CCND2: variants seen among roughly 807,000 people sequenced by gnomAD.
CCND2 encodes cyclin D2, also known as G1/S-specific cyclin-D2.
A neutral mutation model predicts 30.2 loss-of-function variants in CCND2; 6 were observed. The observed-to-expected ratio is 0.20, with a 90% CI of 0.11 to 0.39. The LOEUF is 0.39. Among genes scored for constraint, CCND2 ranks in the 10% least tolerant of loss-of-function variants. CCND2 has a pLI of 1.00. For missense variants in CCND2, 235 were observed against 373.4 expected (o/e 0.63, Z 3.06); for synonymous variants, 150 against 153.1 (o/e 0.98, Z 0.15).
At chr12:4,279,166 T>A (rs1194728482) in intron 3 of CCND2, among the ~76,000 whole-genome samples, 2 of 152,182 alleles carry the variant, frequency 1.3e-5, no homozygotes, top group Admixed American at 6.5e-5. Context: ...GCAAAAAAAA[T>A]TAGTGCCTGT....
In CCND2 at chr12:4,299,065, T is replaced by G. The variant is rs569712147; in HGVS notation, c.721-795T>G. Among the ~76,000 whole-genome samples, 1 of 152,284 alleles carries G rather than the reference T, an allele frequency of 6.6e-6. No individual in the cohort carries two copies. Among genetic ancestry groups the G allele is most frequent in the East Asian group, 1.9e-4 (1 of 5,178 alleles). On this transcript the variant is annotated intron_variant, in intron 4 of 4. Transcript: ENST00000261254. The surrounding 1 kb of genome is among the most constrained non-coding windows in gnomAD (Gnocchi z 5.2). ...AAGCAGAAAAAGTTGGGGATTTTTT[T>G]TTTTAAGTATTTACAGTGAGGCGCG...
chr12:4,280,460 T>A (rs545094415), intron 3 of CCND2, among the ~76,000 whole-genome samples: 11 of 152,340 alleles, frequency 7.2e-5, no homozygotes, highest in African/African-American at 2.6e-4. Context: ...CCTCATGGCG[T>A]GCACATGCGC....
At chr12:4,284,285 T>C (rs1310570721) in intron 3 of CCND2, among the ~76,000 whole-genome samples, 4 of 152,248 alleles carry the variant, frequency 2.6e-5, no homozygotes, top group Non-Finnish European at 5.9e-5. Flanking sequence ...GCTGTTGTCA[T>C]TATTTGCAGA....
intron 3 of CCND2, among the ~76,000 whole-genome samples, chr12:4,280,341 A>C (rs1373356949): frequency 6.6e-6 from 1 of 152,230 alleles, no homozygotes; most frequent in Non-Finnish European, 1.5e-5. Flanking sequence ...TGTGTTCTGC[A>C]CTTGCAGGCT....
At chr12:4,297,409 A>G (rs1864185614) in intron 4 of CCND2, among the ~76,000 whole-genome samples, 3 of 151,912 alleles carry the variant, frequency 2.0e-5, no homozygotes, top group African/African-American at 4.8e-5. Context: ...CATCTCAACT[A>G]TAAATACAAA....
In CCND2 at chr12:4,274,874, C is replaced by T. The variant is rs926012963; in HGVS notation, c.195+639C>T. 2.0e-5 allele frequency: 3 copies of T among 152,484 alleles called. No homozygotes were observed. The highest frequency in any genetic ancestry group is 7.2e-5 in the African/African-American group (3 of 41,454). 9.4% of individuals were successfully genotyped at this position (152,484 alleles called of 1,614,324 possible). A position where few individuals can be genotyped will look rare whatever the true frequency, so the allele number is the denominator to read the frequency against. On this transcript the variant is annotated intron_variant, in intron 1 of 4. Transcript: ENST00000261254. This position sits in a 1 kb window ranked among gnomAD's most constrained non-coding sequence, Gnocchi z 7.7. ...GTGCCCACGTATGCACAGCTCTGGA[C>T]CTGCCGTGGTTTCGCCATGTTGCTT...
At position 4,304,304 on chromosome 12, in the gene CCND2, AT is replaced by A. The variant is rs1864288304; in HGVS notation, c.*4296del. 1 of 233,536 alleles carries A rather than the reference AT, an allele frequency of 4.3e-6. No homozygotes were observed. The highest frequency in any genetic ancestry group is 8.5e-6 in the Non-Finnish European group (1 of 118,014). The allele number at this position is 233,536 out of a possible 1,614,324, so 14.5% of individuals were successfully genotyped here. Reference sequence around the variant, plus strand: ...AAGCCAAAAGGATTCCTCTTTGTTTATCTCTGAGACAGTCCAACCTTGAGAA... The same window carrying A: ...AAGCCAAAAGGATTCCTCTTTGTTTACTCTGAGACAGTCCAACCTTGAGAA... On this transcript the variant is annotated 3_prime_UTR_variant, in exon 5 of 5. Transcript: ENST00000261254. This position sits in a 1 kb window ranked among gnomAD's most constrained non-coding sequence, Gnocchi z 6.2.
At position 4,285,509 on chromosome 12, in the gene CCND2, C is replaced by A; in HGVS notation, c.572-3333C>A. ...TCTGTGTTTCTCCCACCTAACAGAA[C>A]AGCTTTTATTTTCCGTGCATCCTTC... On this transcript the variant is annotated intron_variant, in intron 3 of 4. Transcript: ENST00000261254. The surrounding 1 kb of genome is among the most constrained non-coding windows in gnomAD (Gnocchi z 4.1). 1 of 759,462 alleles carries A rather than the reference C, an allele frequency of 1.3e-6. No homozygotes were observed. The highest frequency in any genetic ancestry group is 1.6e-6 in the Non-Finnish European group (1 of 623,848). 47.0% of individuals were successfully genotyped at this position (759,462 alleles called of 1,614,324 possible).
Position 4,274,577 on chromosome 12 carries a change from G to T in CCND2, c.195+342G>T, listed in dbSNP as rs558535057. On this transcript the variant is annotated intron_variant, in intron 1 of 4. Transcript: ENST00000261254. The surrounding 1 kb of genome is among the most constrained non-coding windows in gnomAD (Gnocchi z 7.7). ...AGCCGCCGCGGCTGCTTGCGCTGCG[G>T]CCAGGAAGAGAGTCGGGGCCTGAAA... Among the ~76,000 whole-genome samples the T allele has an allele frequency of 1.1e-3, 166 of 152,210 alleles. 2 individuals carry two copies. Among genetic ancestry groups the T allele is most frequent in the African/African-American group, 3.9e-3 (163 of 41,528 alleles).
intron 1 of CCND2, among the ~76,000 whole-genome samples, 163 bp from the exon 2 acceptor site, chr12:4,275,842 C>G (rs1002953460): frequency 5.9e-5 from 9 of 151,978 alleles, no homozygotes; most frequent in Non-Finnish European, 2.9e-5. Flanking sequence ...GTTTCCTCAT[C>G]TTTGTTCTTT....
At position 4,276,411 on chromosome 12, in the gene CCND2, A is replaced by G. The variant is rs189431963; in HGVS notation, c.411+191A>G. Among the ~76,000 whole-genome samples, 119 of 152,336 alleles carry G rather than the reference A, an allele frequency of 7.8e-4. No homozygotes were observed. Among genetic ancestry groups the G allele is most frequent in the African/African-American group, 2.5e-3 (106 of 41,570 alleles). On this transcript the variant is annotated intron_variant, in intron 2 of 4. Coordinates refer to ENST00000261254, the MANE Select transcript of CCND2 (RefSeq NM_001759.4). This position sits in a 1 kb window ranked among gnomAD's most constrained non-coding sequence, Gnocchi z 4.8. The stretch of plus-strand genomic sequence containing the variant: ...TGTTTATTTTTTGTGTGTTCCTACT[A>G]TGTGCCCAGGCTCCGTGCCCAGCAC...
Position 4,277,000 on chromosome 12 carries a change from C to T in CCND2, c.411+780C>T, listed in dbSNP as rs1483897500. Among the ~76,000 whole-genome samples, 1 of 152,218 alleles carries T rather than the reference C, an allele frequency of 6.6e-6. No homozygotes were observed. The highest frequency in any genetic ancestry group is 1.5e-5 in the Non-Finnish European group (1 of 68,040). ...TTTGCACTGTTCAGAAAAGCACCCCCTCCTTCCCGCCCCTCCCCCTCCTCA... is the reference window on the plus strand; with the variant it reads ...TTTGCACTGTTCAGAAAAGCACCCCTTCCTTCCCGCCCCTCCCCCTCCTCA... On this transcript the variant is annotated intron_variant, in intron 2 of 4. Transcript: ENST00000261254. The surrounding 1 kb of genome is among the most constrained non-coding windows in gnomAD (Gnocchi z 4.8).
At position 4,299,138 on chromosome 12, in the gene CCND2, G is replaced by A. The variant is rs577256501; in HGVS notation, c.721-722G>A. 3.3e-5 allele frequency among the ~76,000 whole-genome samples: 5 copies of A among 152,148 alleles called. No homozygotes were observed. The South Asian group carries it at 1.0e-3, about 32-fold the overall frequency. On this transcript the variant is annotated intron_variant, in intron 4 of 4. Coordinates refer to ENST00000261254, the MANE Select transcript of CCND2 (RefSeq NM_001759.4). This position sits in a 1 kb window ranked among gnomAD's most constrained non-coding sequence, Gnocchi z 5.2. Reference sequence around the variant, plus strand: ...GCACTTTGGGAGGCCGATGCGGGCGGATCACAAGGTCAGGAGTTCGAGGCC... The same window carrying A: ...GCACTTTGGGAGGCCGATGCGGGCGAATCACAAGGTCAGGAGTTCGAGGCC...
chr12:4,293,633 T>C lies in CCND2; in HGVS notation c.720+4643T>C, dbSNP rs1482381486. On this transcript the variant is annotated intron_variant, in intron 4 of 4. Transcript: ENST00000261254. The surrounding 1 kb of genome is among the most constrained non-coding windows in gnomAD (Gnocchi z 4.9). Reference sequence around the variant, plus strand: ...CCTTCCTTAGGGTCATCCTGGCATTTTACGGTCCTGGTTATCAATGAGCTA... The same window carrying C: ...CCTTCCTTAGGGTCATCCTGGCATTCTACGGTCCTGGTTATCAATGAGCTA... Among the ~76,000 whole-genome samples, 2 of 152,154 alleles carry C rather than the reference T, an allele frequency of 1.3e-5. No individual in the cohort carries two copies. The highest frequency in any genetic ancestry group is 2.4e-5 in the African/African-American group (1 of 41,434).
At chr12:4,290,884 T>G (rs1864091855) in intron 4 of CCND2, among the ~76,000 whole-genome samples, 1 of 152,172 alleles carries the variant, frequency 6.6e-6, no homozygotes, top group Non-Finnish European at 1.5e-5. Flanking sequence ...GGATATGAAG[T>G]GGGTACGAAG....
In CCND2 at chr12:4,285,171, T is replaced by G; in HGVS notation, c.572-3671T>G. On this transcript the variant is annotated intron_variant, in intron 3 of 4. Coordinates refer to ENST00000261254, the MANE Select transcript of CCND2 (RefSeq NM_001759.4). The surrounding 1 kb of genome is among the most constrained non-coding windows in gnomAD (Gnocchi z 4.1). ...CTTAAGAAGTCTGAATATTGTACGT[T>G]TTGGGGGGAGTCCTCCATGCTGCCT... The G allele has an allele frequency of 2.7e-6, 1 of 364,712 alleles. No individual in the cohort carries two copies. The highest frequency in any genetic ancestry group is 3.8e-6 in the Non-Finnish European group (1 of 263,022). 22.6% of individuals were successfully genotyped at this position (364,712 alleles called of 1,614,324 possible).
intron 3 of CCND2, among the ~76,000 whole-genome samples, chr12:4,284,244 A>C (rs1339693486): frequency 1.3e-5 from 2 of 152,216 alleles, no homozygotes; most frequent in Non-Finnish European, 2.9e-5. Context: ...TTTTAAGTGA[A>C]TCCTCAGAAC....
intron 2 of CCND2, 65 bp from the exon 3 acceptor site, chr12:4,278,694 GC>G: frequency 6.4e-7 from 1 of 1,556,078 alleles, no homozygotes. Flanking sequence ...CCAACCCCCA[GC>G]CCCCTACACC....
In CCND2 at chr12:4,300,909, A is replaced by C. The variant is rs1427076693; in HGVS notation, c.*900A>C. 4.3e-6 allele frequency: 1 copy of C among 233,594 alleles called. No homozygotes were observed. 14.5% of individuals were successfully genotyped at this position (233,594 alleles called of 1,614,324 possible). A position where few individuals can be genotyped will look rare whatever the true frequency, so the allele number is the denominator to read the frequency against. The stretch of plus-strand genomic sequence containing the variant: ...TGGCATTTCTTCTTAGAAAAAAACT[A>C]ATTTTTGGTGCTGATTGGCATGTCT... On this transcript the variant is annotated 3_prime_UTR_variant, in exon 5 of 5. Coordinates refer to ENST00000261254, the MANE Select transcript of CCND2 (RefSeq NM_001759.4).
Sources: gnomAD v4.1 joint callset for allele counts (sites outside exome capture counted in the v4.1 genomes callset) on GRCh38, gnomAD v4.1.1 for gene constraint, Gnocchi (gnomAD v3.1) non-coding constraint, MANE v1.5 for transcripts, NCBI Gene and HGNC (gene_info 2026-07-23, HGNC 2026-07-21) for gene names.